Variants in CNTLN observed in about 807,000 individuals in gnomAD.
CNTLN encodes centlein, centrosomal protein.
A neutral mutation model predicts 180.0 loss-of-function variants in CNTLN; 212 were observed. The ratio of observed to expected loss-of-function variants is 1.18; its 90% confidence interval spans 1.05 to 1.32. The LOEUF (loss-of-function observed/expected upper bound fraction) is 1.32. Among genes scored for constraint, CNTLN ranks in the 40% most tolerant of loss-of-function variants. CNTLN has a pLI of 0.00. For missense variants in CNTLN, 2,095 were observed against 1,610.9 expected (o/e 1.30, Z -5.14); for synonymous variants, 722 against 563.1 (o/e 1.28, Z -3.99).
chr9:17,477,690 A>C (rs185086518), intron 23 of CNTLN, among the ~76,000 whole-genome samples: 1 of 152,338 alleles, frequency 6.6e-6, no homozygotes, highest in East Asian at 1.9e-4. Flanking sequence ...TCTCAAAATA[A>C]AATCTGAATG....
At chr9:17,202,657 T>G (rs1282191681) in intron 2 of CNTLN, among the ~76,000 whole-genome samples, 47 of 145,830 alleles carry the variant, frequency 3.2e-4, no homozygotes, top group Admixed American at 8.9e-4. Flanking sequence ...TTTTTTTTTT[T>G]TTTTTTTTTT....
At chr9:17,246,768 C>G (rs1825818606) in intron 5 of CNTLN, among the ~76,000 whole-genome samples, 1 of 152,162 alleles carries the variant, frequency 6.6e-6, no homozygotes, top group Non-Finnish European at 1.5e-5. Context: ...CAAAGTCCTT[C>G]CCACTCTTCT....
intron 12 of CNTLN, among the ~76,000 whole-genome samples, chr9:17,348,232 A>T (rs915300527): frequency 6.6e-6 from 1 of 152,170 alleles, no homozygotes; most frequent in Non-Finnish European, 1.5e-5. Flanking sequence ...AAATTGCAAA[A>T]GCTTTACACC....
chr9:17,389,385 T>C (rs1370845241), intron 14 of CNTLN, among the ~76,000 whole-genome samples: 1 of 152,146 alleles, frequency 6.6e-6, no homozygotes, highest in Non-Finnish European at 1.5e-5. Flanking sequence ...CCAGGTTTTG[T>C]ATAATTTTTG....
chr9:17,480,752 A>G (rs556888670), intron 23 of CNTLN, among the ~76,000 whole-genome samples: 1 of 152,320 alleles, frequency 6.6e-6, no homozygotes. Flanking sequence ...AAACCCTTCT[A>G]TCTGATTTAG....
intron 10 of CNTLN, among the ~76,000 whole-genome samples, chr9:17,334,548 G>A (rs553050136): frequency 1.3e-5 from 2 of 152,238 alleles, no homozygotes; most frequent in East Asian, 1.9e-4. Flanking sequence ...AGGCTCAGAA[G>A]TATAAGATCT....
At chr9:17,465,675 C>T (rs1394054908) in intron 21 of CNTLN, among the ~76,000 whole-genome samples, 1 of 150,974 alleles carries the variant, frequency 6.6e-6, no homozygotes, top group Non-Finnish European at 1.5e-5. Flanking sequence ...TCATCTCCTG[C>T]CTTAGGAAGT....
At chr9:17,395,412 A>C (rs941240700) in intron 15 of CNTLN, among the ~76,000 whole-genome samples, 1 of 152,182 alleles carries the variant, frequency 6.6e-6, no homozygotes, top group Non-Finnish European at 1.5e-5. Flanking sequence ...CACCACTGAC[A>C]GCTAAGGATT....
At chr9:17,157,151 G>T (rs1228930402) in intron 2 of CNTLN, among the ~76,000 whole-genome samples, 3 of 152,180 alleles carry the variant, frequency 2.0e-5, no homozygotes, top group Admixed American at 6.5e-5. Context: ...ACTTCAGCCA[G>T]CATGTTTTGA....
At chr9:17,178,691 C>T (rs558163667) in intron 2 of CNTLN, among the ~76,000 whole-genome samples, 3 of 124,410 alleles carry the variant, frequency 2.4e-5, no homozygotes, top group Admixed American at 1.6e-4. Context: ...CGGGGACCAC[C>T]GAGCCCACAC....
At chr9:17,238,799 T>C (rs935185764) in intron 5 of CNTLN, among the ~76,000 whole-genome samples, 3 of 152,220 alleles carry the variant, frequency 2.0e-5, no homozygotes, top group African/African-American at 7.2e-5. Context: ...ATTTCCTACA[T>C]GTATATATAT....
In CNTLN at chr9:17,395,070, G is replaced by C. The variant is rs776652399; in HGVS notation, c.2615+1G>C. 6.2e-7 allele frequency: 1 copy of C among 1,600,832 alleles called. No homozygotes were observed. Among genetic ancestry groups the C allele is most frequent in the South Asian group, 1.1e-5 (1 of 89,430 alleles). On this transcript the variant is annotated splice_donor_variant, in intron 15 of 25. Transcript: ENST00000380647. LOFTEE classifies it high-confidence loss of function. Reference sequence around the variant, plus strand: ...GCTGGGAGGATGTGAGTGAAAGCAGGTAAGGCTCTCATTAACTTAGCTCTG... The same window carrying C: ...GCTGGGAGGATGTGAGTGAAAGCAGCTAAGGCTCTCATTAACTTAGCTCTG...
At chr9:17,240,320 C>G (rs1029400581) in intron 5 of CNTLN, among the ~76,000 whole-genome samples, 2 of 152,042 alleles carry the variant, frequency 1.3e-5, no homozygotes, top group African/African-American at 4.8e-5. Context: ...TGCAACCTTT[C>G]TGAATAGGTT....
intron 18 of CNTLN, among the ~76,000 whole-genome samples, chr9:17,446,299 A>G (rs1267958537): frequency 1.3e-5 from 2 of 152,106 alleles, no homozygotes; most frequent in African/African-American, 2.4e-5. Flanking sequence ...AGAAACACCC[A>G]CAGGTGTGGA....
chr9:17,344,549 G>A (rs1488671055), intron 12 of CNTLN, among the ~76,000 whole-genome samples: 1 of 152,100 alleles, frequency 6.6e-6, no homozygotes, highest in Non-Finnish European at 1.5e-5. Flanking sequence ...AATGAAATGA[G>A]AATACCAGAC....
intron 2 of CNTLN, among the ~76,000 whole-genome samples, chr9:17,205,291 G>A (rs1822838576): frequency 1.3e-5 from 2 of 152,116 alleles, no homozygotes; most frequent in Non-Finnish European, 2.9e-5. Context: ...TGGCAATGCA[G>A]ATATAATAAA....
At chr9:17,483,798 T>C (rs1832764869) in intron 23 of CNTLN, among the ~76,000 whole-genome samples, 1 of 152,230 alleles carries the variant, frequency 6.6e-6, no homozygotes, top group South Asian at 2.1e-4. Context: ...ACCCAATTTG[T>C]CCTTCTCAAC....
intron 2 of CNTLN, among the ~76,000 whole-genome samples, chr9:17,195,688 GAT>G (rs1822086009): frequency 6.6e-6 from 1 of 152,142 alleles, no homozygotes; most frequent in South Asian, 2.1e-4. Context: ...AAGGAAAAAA[GAT>G]AGCCCTTTTT....
chr9:17,267,369 C>T (rs939621275), intron 5 of CNTLN, among the ~76,000 whole-genome samples: 1 of 152,126 alleles, frequency 6.6e-6, no homozygotes, highest in South Asian at 2.1e-4. Context: ...TATAGGCCCC[C>T]ACTCTCTTCT....
Sources: allele counts gnomAD v4.1 joint callset (sites outside exome capture counted in the v4.1 genomes callset), GRCh38; gene constraint gnomAD v4.1.1; transcripts MANE v1.5; gene names NCBI Gene and HGNC (gene_info 2026-07-23, HGNC 2026-07-21).